The following CCM2 variants were observed in gnomAD, a reference collection of about 807,000 sequenced individuals.
The protein encoded by CCM2 is CCM2 scaffold protein, also known as cerebral cavernous malformations 2 protein.
A neutral mutation model predicts 44.9 loss-of-function variants in CCM2; 25 were observed. That is an observed-to-expected ratio of 0.56 (90% CI 0.41 to 0.78). CCM2 has a LOEUF of 0.78. Ranked by LOEUF, CCM2 falls within the 30% of genes least tolerant of loss-of-function variation. The pLI is 0.00. For missense variants in CCM2, 481 were observed against 580.6 expected (o/e 0.83, Z 1.76); for synonymous variants, 219 against 241.1 (o/e 0.91, Z 0.85).
Position 45,014,301 on chromosome 7 carries a change from C to T in CCM2, c.30+13938C>T, listed in dbSNP as rs540619190. Reference sequence around the variant, plus strand: ...ATTTCAGGTGCCTGCCACCCATACCCGGCTAATTTTTGTATTTTTAGTAGA... The same window carrying T: ...ATTTCAGGTGCCTGCCACCCATACCTGGCTAATTTTTGTATTTTTAGTAGA... On this transcript the variant is annotated intron_variant, in intron 1 of 9. Transcript: ENST00000258781. 1.7e-3 allele frequency among the ~76,000 whole-genome samples: 265 copies of T among 152,078 alleles called. 2 individuals are homozygous for T. Among genetic ancestry groups the T allele is most frequent in the African/African-American group, 6.2e-3 (259 of 41,508 alleles).
chr7:45,046,358 A>C (rs113067722), intron 2 of CCM2, among the ~76,000 whole-genome samples: 71 of 152,272 alleles, frequency 4.7e-4, no homozygotes, highest in African/African-American at 1.6e-3. Context: ...GATAGATCAT[A>C]CTGCTATCAC....
chr7:45,069,800 C>T (rs539468913), intron 5 of CCM2, 26 bp from the exon 6 acceptor site: 17 of 1,613,600 alleles, frequency 1.1e-5, no homozygotes, highest in South Asian at 3.3e-5. Flanking sequence ...CCAGACTGAC[C>T]GAGCAGCTGC....
chr7:45,033,990 T>C (rs1449914575), intron 1 of CCM2, among the ~76,000 whole-genome samples: 1 of 152,146 alleles, frequency 6.6e-6, no homozygotes, highest in Non-Finnish European at 1.5e-5. Flanking sequence ...TAGGTGACCA[T>C]TTCTCACCAT....
At chr7:45,055,408 G>A (rs1798209072) in intron 2 of CCM2, among the ~76,000 whole-genome samples, 1 of 152,140 alleles carries the variant, frequency 6.6e-6, no homozygotes, top group Non-Finnish European at 1.5e-5. Flanking sequence ...TTTATTATCG[G>A]CCGGGCCCGG....
chr7:45,047,783 A>G (rs10264842), intron 2 of CCM2, among the ~76,000 whole-genome samples: 21,844 of 152,158 alleles, frequency 0.14, 1,936 homozygotes, highest in Middle Eastern at 0.25. Flanking sequence ...GTTTACATCC[A>G]TGTCCTGGTG....
intron 1 of CCM2, among the ~76,000 whole-genome samples, chr7:45,006,044 G>A (rs571268177): frequency 7.9e-5 from 12 of 152,216 alleles, no homozygotes; most frequent in Admixed American, 2.0e-4. Flanking sequence ...AAATGTGTAC[G>A]GTGAGCCTGT....
chr7:45,075,902 A>T lies in CCM2; in HGVS notation c.1180A>T (p.Thr394Ser), dbSNP rs368380083. 45 of 1,613,162 alleles carry T rather than the reference A, an allele frequency of 2.8e-5. No homozygotes were observed. Among genetic ancestry groups the T allele is most frequent in the Non-Finnish European group, 3.7e-5 (44 of 1,179,996 alleles). Reference sequence around the variant, plus strand: ...TGGCAGGCACCGGCGGGCCCTGAGCACCACATCCAGTTCCACCACCAATGG... The same window carrying T: ...TGGCAGGCACCGGCGGGCCCTGAGCTCCACATCCAGTTCCACCACCAATGG... ...SFGRHRRALS[T>S]TSSSTTNGNR... The change falls in exon 10 of 10, where the codon ACC becomes TCC. Residue 394 changes from threonine to serine, a missense_variant. Thr to Ser is a moderately conservative substitution (Grantham distance 58, BLOSUM62 1). Transcript: ENST00000258781.
chr7:45,014,132 T>C (rs1406039150), intron 1 of CCM2, among the ~76,000 whole-genome samples: 1 of 152,142 alleles, frequency 6.6e-6, no homozygotes, highest in Non-Finnish European at 1.5e-5. Flanking sequence ...GTATTTTTAT[T>C]TATTTTAATT....
chr7:45,075,375 T>C (rs1260814895), intron 9 of CCM2, among the ~76,000 whole-genome samples: 2 of 152,242 alleles, frequency 1.3e-5, no homozygotes, highest in Non-Finnish European at 2.9e-5. Context: ...ACTGCACCCT[T>C]GTTGCCGGGT....
chr7:45,062,585 A>C (rs752823975), intron 2 of CCM2, among the ~76,000 whole-genome samples: 8 of 152,256 alleles, frequency 5.3e-5, no homozygotes, highest in Non-Finnish European at 8.8e-5. Context: ...CTGTAATCCC[A>C]GCACTTTGGG....
chr7:45,011,184 A>T (rs906770825), intron 1 of CCM2, among the ~76,000 whole-genome samples: 1 of 150,094 alleles, frequency 6.7e-6, no homozygotes, highest in Non-Finnish European at 1.5e-5. Context: ...GGTGTGTGCC[A>T]CTATGCCCAG....
chr7:45,028,628 G>C (rs928011758), intron 1 of CCM2, among the ~76,000 whole-genome samples: 20 of 152,058 alleles, frequency 1.3e-4, no homozygotes, highest in African/African-American at 4.1e-4. Context: ...CTGCACTCCA[G>C]CCTGGGTGAC....
Position 45,000,231 on chromosome 7 carries a change from C to T in CCM2, c.-103C>T. ...CTTCGGGCCCGGCTGGCGGGCGGCG[C>T]CGGGAGCGCGGGGGCGGCGGGCCCG... On this transcript the variant is annotated 5_prime_UTR_variant, in exon 1 of 10. Transcript: ENST00000258781. 1 of 709,516 alleles carries T rather than the reference C, an allele frequency of 1.4e-6. No individual in the cohort carries two copies. Among genetic ancestry groups the T allele is most frequent in the South Asian group, 6.1e-5 (1 of 16,262 alleles). 44.0% of individuals were successfully genotyped at this position (709,516 alleles called of 1,614,324 possible).
At chr7:45,005,829 G>C (rs75018012) in intron 1 of CCM2, among the ~76,000 whole-genome samples, 197 of 152,340 alleles carry the variant, frequency 1.3e-3, no homozygotes, top group African/African-American at 4.4e-3. Flanking sequence ...CAGCCAGGTT[G>C]AGACCGGGAC....
rs762364612 is a variant in CCM2 at position 45,073,447 on chromosome 7, C to T, written c.804-13C>T. Reference sequence around the variant, plus strand: ...GGGGAAGCCACCCGCTCACATACCACATTCTTTCGCAGCTGCTTCCCTGAA... The same window carrying T: ...GGGGAAGCCACCCGCTCACATACCATATTCTTTCGCAGCTGCTTCCCTGAA... On this transcript the variant is annotated splice_polypyrimidine_tract_variant and intron_variant, in intron 7 of 9. Transcript: ENST00000258781. The T allele has an allele frequency of 2.5e-6, 4 of 1,605,318 alleles. No individual in the cohort carries two copies. The highest frequency in any genetic ancestry group is 1.1e-5 in the South Asian group (1 of 90,938).
intron 1 of CCM2, among the ~76,000 whole-genome samples, chr7:45,008,180 T>C (rs868511828): frequency 6.6e-5 from 10 of 151,130 alleles, no homozygotes; most frequent in Admixed American, 1.3e-4. Context: ...GCTGGGACTA[T>C]AGGTGCGTGT....
intron 2 of CCM2, among the ~76,000 whole-genome samples, chr7:45,051,785 T>G (rs1046451150): frequency 6.6e-6 from 1 of 151,920 alleles, no homozygotes; most frequent in Non-Finnish European, 1.5e-5. Context: ...ATGGTCTCGA[T>G]CTCCTGACCT....
intron 8 of CCM2, 56 bp from the exon 9 acceptor site, chr7:45,074,214 A>C (rs1799229196): frequency 8.7e-6 from 14 of 1,611,268 alleles, no homozygotes; most frequent in Admixed American, 8.3e-5. Flanking sequence ...GGTGGGCCCG[A>C]CTGCCGACTC....
At chr7:45,039,999 CT>C (rs1475834097) in intron 2 of CCM2, among the ~76,000 whole-genome samples, 3 of 151,470 alleles carry the variant, frequency 2.0e-5, no homozygotes, top group Non-Finnish European at 4.4e-5. Flanking sequence ...TGCACTCCAG[CT>C]TGGGTGAAAG....
Sources: gnomAD v4.1 joint callset for allele counts (sites outside exome capture counted in the v4.1 genomes callset) on GRCh38, gnomAD v4.1.1 for gene constraint, MANE v1.5 for transcripts, NCBI Gene and HGNC (gene_info 2026-07-23, HGNC 2026-07-21) for gene names.